The following LARGE1 variants were observed in gnomAD, a reference collection of about 807,000 sequenced individuals.
LARGE1 encodes the protein xylosyl- and glucuronyltransferase LARGE1.
Under a neutral mutation model 87.6 loss-of-function variants are expected in LARGE1, and 43 were observed. The observed-to-expected ratio is 0.49, with a 90% CI of 0.38 to 0.63. LARGE1 has a LOEUF of 0.63. Ranked by LOEUF, LARGE1 falls within the 30% of genes least tolerant of loss-of-function variation. The pLI is 0.00. For synonymous variants in LARGE1, 434 were observed against 394.6 expected, an observed-to-expected ratio of 1.10 and a Z score of -1.18; for missense variants, 802 against 1,000.2, an observed-to-expected ratio of 0.80 and a Z score of 2.67.
At chr22:33,349,403 G>C (rs1940140208) in intron 9 of LARGE1, among the ~76,000 whole-genome samples, 1 of 152,322 alleles carries the variant, frequency 6.6e-6, no homozygotes, top group African/African-American at 2.4e-5. Context: ...TGCTTGTGAT[G>C]TGAATCAAGT....
intron 6 of LARGE1, among the ~76,000 whole-genome samples, chr22:33,492,921 G>A (rs1349776577): frequency 1.3e-5 from 2 of 152,090 alleles, no homozygotes; most frequent in Admixed American, 6.5e-5. Flanking sequence ...TGGGCAATGC[G>A]CACCCTGTTT....
intron 3 of LARGE1, among the ~76,000 whole-genome samples, chr22:33,646,597 TAA>T (rs66869856): frequency 6.7e-5 from 10 of 149,146 alleles, no homozygotes; most frequent in Non-Finnish European, 8.9e-5. Flanking sequence ...ATTTAAAGTT[TAA>T]AAAAAAAAAA....
intron 3 of LARGE1, among the ~76,000 whole-genome samples, chr22:33,648,432 T>C (rs1227924487): frequency 2.0e-5 from 3 of 152,216 alleles, no homozygotes; most frequent in Non-Finnish European, 4.4e-5. Context: ...ATAGTGTAAA[T>C]ACGCTTGGAG....
chr22:33,920,534 G>T (rs1216492306), upstream of LARGE1: 1 of 145,332 alleles, frequency 6.9e-6, no homozygotes, highest in Non-Finnish European at 1.5e-5. Flanking sequence ...GCCGCGGCGC[G>T]CTCTCCCCCA....
intron 12 of LARGE1, among the ~76,000 whole-genome samples, chr22:33,289,840 A>G (rs867611665): frequency 5.3e-5 from 8 of 152,172 alleles, no homozygotes; most frequent in Middle Eastern, 3.4e-3. Context: ...CCTCTTCTGT[A>G]TATCTTTTTT....
At position 33,761,561 on chromosome 22, in the gene LARGE1, G is replaced by T; in HGVS notation, c.-82-3C>A. Reference sequence around the variant, plus strand: ...CTCGGCCTCCCTCATAATACTCTCTGAAAGGAAGAGCAAAGAGGAAGGCCT... The same window carrying T: ...CTCGGCCTCCCTCATAATACTCTCTTAAAGGAAGAGCAAAGAGGAAGGCCT... On this transcript the variant is annotated splice_region_variant and splice_polypyrimidine_tract_variant and intron_variant, in intron 1 of 14. Coordinates refer to ENST00000397394, the MANE Select transcript of LARGE1 (RefSeq NM_133642.5). The T allele has an allele frequency of 9.6e-7, 1 of 1,041,634 alleles. No homozygotes were observed. The highest frequency in any genetic ancestry group is 1.5e-6 in the Non-Finnish European group (1 of 667,336). The allele number at this position is 1,041,634 out of a possible 1,614,324, so 64.5% of individuals were successfully genotyped here. A position where few individuals can be genotyped will look rare whatever the true frequency, so the allele number is the denominator to read the frequency against.
At chr22:33,174,310 C>A (rs1167997470) in intron 11 of LARGE1, among the ~76,000 whole-genome samples, 1 of 151,846 alleles carries the variant, frequency 6.6e-6, no homozygotes, top group Non-Finnish European at 1.5e-5. Flanking sequence ...AAAGACACAA[C>A]ATACCAGAAT....
chr22:33,367,308 G>C lies in LARGE1; in HGVS notation c.1131+14611C>G, dbSNP rs111690811. On this transcript the variant is annotated intron_variant, in intron 9 of 14. Transcript: ENST00000397394. ...AGTTCACTTTCTTTTTTCTTGATGA[G>C]TCTCGCCATAGGTTTGTCTATTTTA... 6.8e-3 allele frequency among the ~76,000 whole-genome samples: 1,039 copies of C among 151,922 alleles called. 8 individuals are homozygous for C. The highest frequency in any genetic ancestry group is 0.011 in the Non-Finnish European group (762 of 67,938).
intron 2 of LARGE1, among the ~76,000 whole-genome samples, chr22:33,693,086 C>G (rs942687615): frequency 6.6e-6 from 1 of 152,194 alleles, no homozygotes; most frequent in Non-Finnish European, 1.5e-5. Context: ...ACAAAATCAC[C>G]TCCTCTGCAG....
chr22:33,510,801 G>T (rs1419773989), intron 6 of LARGE1, among the ~76,000 whole-genome samples: 3 of 152,154 alleles, frequency 2.0e-5, no homozygotes, highest in Non-Finnish European at 4.4e-5. Context: ...TGCCCAGGCT[G>T]GTCTTGAACT....
chr22:33,690,359 G>C (rs543708755), intron 2 of LARGE1, among the ~76,000 whole-genome samples: 2 of 152,160 alleles, frequency 1.3e-5, no homozygotes, highest in African/African-American at 4.8e-5. Context: ...GACTAACTAA[G>C]TATACCCATG....
intron 1 of LARGE1, among the ~76,000 whole-genome samples, chr22:33,824,336 G>T (rs1805493048): frequency 6.6e-6 from 1 of 152,188 alleles, no homozygotes. Context: ...CATGGCAGAA[G>T]GCAAAGGGGA....
At chr22:33,464,938 T>C (rs12160462) in intron 6 of LARGE1, among the ~76,000 whole-genome samples, 2 of 150,670 alleles carry the variant, frequency 1.3e-5, no homozygotes, top group African/African-American at 2.5e-5. Context: ...CACGTACACA[T>C]ACACACACAC....
chr22:33,390,296 C>T (rs1034101948), intron 7 of LARGE1, among the ~76,000 whole-genome samples: 1 of 152,232 alleles, frequency 6.6e-6, no homozygotes, highest in Non-Finnish European at 1.5e-5. Flanking sequence ...TGAGCCTCCT[C>T]TAATCTCACA....
intron 11 of LARGE1, among the ~76,000 whole-genome samples, chr22:33,218,851 A>G (rs1925330036): frequency 6.6e-6 from 1 of 152,180 alleles, no homozygotes; most frequent in Admixed American, 6.5e-5. Flanking sequence ...TGGAAGCGGA[A>G]CCTAACATGA....
chr22:33,754,869 C>G (rs924490849), intron 2 of LARGE1, among the ~76,000 whole-genome samples: 15 of 152,168 alleles, frequency 9.9e-5, no homozygotes, highest in African/African-American at 3.6e-4. Context: ...CATGTACAAT[C>G]TGACTTCCCA....
chr22:33,848,215 A>G (rs2063487823), intron 1 of LARGE1, among the ~76,000 whole-genome samples: 1 of 152,346 alleles, frequency 6.6e-6, no homozygotes, highest in Middle Eastern at 3.4e-3. Context: ...ATAAACAAGT[A>G]GGTGCTTATT....
At chr22:33,828,214 T>C (rs1325845718) in intron 1 of LARGE1, among the ~76,000 whole-genome samples, 4 of 152,126 alleles carry the variant, frequency 2.6e-5, no homozygotes, top group South Asian at 2.1e-4. Flanking sequence ...AGGGAGTAAG[T>C]TGATCCATGA....
intron 3 of LARGE1, among the ~76,000 whole-genome samples, chr22:33,638,373 C>A (rs570613749): frequency 2.0e-5 from 3 of 152,326 alleles, no homozygotes; most frequent in Non-Finnish European, 4.4e-5. Context: ...ATTTCAGCTT[C>A]TTTTAGAAGA....
Sources: gnomAD v4.1 joint callset for allele counts (sites outside exome capture counted in the v4.1 genomes callset) on GRCh38, gnomAD v4.1.1 for gene constraint, MANE v1.5 for transcripts, NCBI Gene and HGNC (gene_info 2026-07-23, HGNC 2026-07-21) for gene names.